The following PLEKHA7 variants were observed in gnomAD, a reference collection of about 807,000 sequenced individuals.
PLEKHA7 encodes pleckstrin homology domain-containing family A member 7.
PLEKHA7 carries 104 observed loss-of-function variants against 170.0 expected under a neutral mutation model. The observed-to-expected ratio is 0.61, with a 90% CI of 0.52 to 0.72. The LOEUF is 0.72. Among genes scored for constraint, PLEKHA7 ranks in the 30% least tolerant of loss-of-function variants. The pLI is 0.00. For synonymous variants in PLEKHA7, 648 were observed against 660.8 expected, an observed-to-expected ratio of 0.98 and a Z score of 0.30; for missense variants, 1,615 against 1,671.7, an observed-to-expected ratio of 0.97 and a Z score of 0.59.
At chr11:16,947,915 C>CAAAAAAAAAAAAAAAAAAAAAAA (rs756124686) in intron 3 of PLEKHA7, among the ~76,000 whole-genome samples, 2 of 67,014 alleles carry the variant, frequency 3.0e-5, no homozygotes, top group Admixed American at 1.8e-4. Flanking sequence ...GACTCCGTCT[C>CAAAAAAAAAAAAAAAAAAAAAAA]AAAAAAAAAA....
chr11:16,988,408 C>T (rs1426823901), intron 3 of PLEKHA7, among the ~76,000 whole-genome samples: 1 of 151,878 alleles, frequency 6.6e-6, no homozygotes, highest in Non-Finnish European at 1.5e-5. Flanking sequence ...TGCCTTCCTG[C>T]CTTCCTTCCT....
chr11:16,966,580 C>A (rs898588691), intron 3 of PLEKHA7, among the ~76,000 whole-genome samples: 1 of 151,962 alleles, frequency 6.6e-6, no homozygotes, highest in Non-Finnish European at 1.5e-5. Flanking sequence ...GCAGAAGGGG[C>A]GTAACTGAGA....
chr11:16,998,327 A>T (rs1048118928), intron 3 of PLEKHA7, among the ~76,000 whole-genome samples: 2 of 151,986 alleles, frequency 1.3e-5, no homozygotes, highest in African/African-American at 4.8e-5. Context: ...AAACTCTCAA[A>T]CCTTTCCACT....
chr11:16,848,148 T>C (rs565814389), intron 8 of PLEKHA7, among the ~76,000 whole-genome samples: 2 of 152,134 alleles, frequency 1.3e-5, no homozygotes, highest in Non-Finnish European at 2.9e-5. Context: ...AAGAACAAAA[T>C]TGAAAGGAGA....
At chr11:17,013,552 A>T (rs1411717066) in intron 3 of PLEKHA7, among the ~76,000 whole-genome samples, 1 of 152,022 alleles carries the variant, frequency 6.6e-6, no homozygotes, top group Non-Finnish European at 1.5e-5. Context: ...AGATTCCCCT[A>T]GTCTCTCCCT....
intron 3 of PLEKHA7, among the ~76,000 whole-genome samples, chr11:16,946,996 C>A (rs546449103): frequency 2.0e-4 from 30 of 152,270 alleles, no homozygotes; most frequent in Middle Eastern, 6.8e-3. Context: ...GCTGCTGGTT[C>A]CAAAACGCAG....
At chr11:16,885,329 CAA>C (rs142572545) in intron 3 of PLEKHA7, among the ~76,000 whole-genome samples, 229 of 119,248 alleles carry the variant, frequency 1.9e-3, no homozygotes, top group Non-Finnish European at 1.5e-3. Context: ...GACTCCATCT[CAA>C]AAAAAAAAAA....
intron 18 of PLEKHA7, 53 bp from the exon 19 acceptor site, chr11:16,794,767 T>C: frequency 6.3e-7 from 1 of 1,580,230 alleles, no homozygotes. Context: ...ACCCCCTTCC[T>C]TGGAGGATGA....
chr11:16,998,052 G>A (rs540999190), intron 3 of PLEKHA7, among the ~76,000 whole-genome samples: 2 of 152,170 alleles, frequency 1.3e-5, no homozygotes, highest in African/African-American at 4.8e-5. Flanking sequence ...CTGAGCCTCA[G>A]TTTCCCCATC....
chr11:16,836,137 T>G (rs142787711), intron 9 of PLEKHA7, among the ~76,000 whole-genome samples: 1,903 of 152,346 alleles, frequency 0.012, 19 homozygotes, highest in Non-Finnish European at 0.018. Context: ...TCTGGCTCTT[T>G]CCTACTGGAT....
chr11:16,998,029 G>T (rs1407960626), intron 3 of PLEKHA7, among the ~76,000 whole-genome samples: 2 of 152,126 alleles, frequency 1.3e-5, no homozygotes, highest in Admixed American at 1.3e-4. Context: ...TCCAATTACT[G>T]GACTCAACCT....
chr11:16,803,449 G>A (rs1325925026), intron 13 of PLEKHA7, 154 bp from the exon 14 acceptor site: 23 of 702,138 alleles, frequency 3.3e-5, no homozygotes, highest in South Asian at 7.4e-5. Context: ...GCCATACTTC[G>A]CTATTTCTAT....
chr11:16,912,326 G>A (rs1177744572), intron 3 of PLEKHA7, among the ~76,000 whole-genome samples: 2 of 152,148 alleles, frequency 1.3e-5, no homozygotes, highest in African/African-American at 2.4e-5. Context: ...CTTGCAGTGG[G>A]GACTTTGGCC....
At chr11:16,809,006 T>C (rs1044959159) in intron 13 of PLEKHA7, among the ~76,000 whole-genome samples, 1 of 152,176 alleles carries the variant, frequency 6.6e-6, no homozygotes, top group Non-Finnish European at 1.5e-5. Flanking sequence ...ATAATTCATA[T>C]TGCTCAAGTT....
chr11:16,999,209 T>C (rs1864523142), intron 3 of PLEKHA7, among the ~76,000 whole-genome samples: 1 of 152,046 alleles, frequency 6.6e-6, no homozygotes, highest in Non-Finnish European at 1.5e-5. Flanking sequence ...TCACTGCCAC[T>C]GTCTGCCGGG....
chr11:16,907,309 G>A (rs971575382), intron 3 of PLEKHA7, among the ~76,000 whole-genome samples: 1 of 144,148 alleles, frequency 6.9e-6, no homozygotes, highest in Non-Finnish European at 1.5e-5. Flanking sequence ...GAGGTGAGGG[G>A]CGCCTCTGCC....
At chr11:16,811,343 G>T (rs1329124294) in intron 13 of PLEKHA7, among the ~76,000 whole-genome samples, 1 of 152,158 alleles carries the variant, frequency 6.6e-6, no homozygotes. Context: ...TCTCCCATAG[G>T]CCCAGGTGCA....
chr11:17,004,948 G>A (rs1864893314), intron 3 of PLEKHA7, among the ~76,000 whole-genome samples: 1 of 152,166 alleles, frequency 6.6e-6, no homozygotes, highest in Non-Finnish European at 1.5e-5. Context: ...ATACCTGCCA[G>A]TTTGCTGAGA....
chr11:16,969,032 G>C (rs1862553445), intron 3 of PLEKHA7, among the ~76,000 whole-genome samples: 1 of 152,160 alleles, frequency 6.6e-6, no homozygotes, highest in African/African-American at 2.4e-5. Context: ...CATGAACCCA[G>C]AAGGCCGAGC....
Sources: gnomAD v4.1 joint callset for allele counts (sites outside exome capture counted in the v4.1 genomes callset) on GRCh38, gnomAD v4.1.1 for gene constraint, MANE v1.5 for transcripts, NCBI Gene and HGNC (gene_info 2026-07-23, HGNC 2026-07-21) for gene names.